ARHGDIB: variants seen among roughly 807,000 people sequenced by gnomAD.
The protein encoded by ARHGDIB is rho GDP-dissociation inhibitor 2.
Under a neutral mutation model 22.6 loss-of-function variants are expected in ARHGDIB, and 20 were observed. The ratio of observed to expected loss-of-function variants is 0.88; its 90% confidence interval spans 0.62 to 1.28. ARHGDIB has a LOEUF of 1.28. Ranked by LOEUF, ARHGDIB falls within the 50% of genes most tolerant of loss-of-function variation. The pLI is 0.00. For synonymous variants in ARHGDIB, 114 were observed against 96.1 expected (o/e 1.19, Z -1.09); for missense variants, 254 against 245.4 (o/e 1.04, Z -0.23).
chr12:14,953,818 GCTCT>G lies in ARHGDIB; in HGVS notation c.-12-3098_-12-3095del, dbSNP rs147117659. On this transcript the variant is annotated intron_variant, in intron 1 of 5. Coordinates refer to ENST00000228945, the MANE Select transcript of ARHGDIB (RefSeq NM_001175.7). ...GAAGGTTGCTTTTTTGCTTTTGCTT[GCTCT>G]CTCTCTCTCTCTCTCTCTTTCTCTT... Among the ~76,000 whole-genome samples, 850 of 146,492 alleles carry G rather than the reference GCTCT, an allele frequency of 5.8e-3. 9 individuals are homozygous for G. Among genetic ancestry groups the G allele is most frequent in the African/African-American group, 0.011 (416 of 39,556 alleles).
intron 1 of ARHGDIB, chr12:14,951,272 G>C (rs772314086): frequency 6.5e-6 from 1 of 152,986 alleles, no homozygotes; most frequent in Non-Finnish European, 1.5e-5. Context: ...GACTCATGAC[G>C]AACCGTTGAC....
chr12:14,944,680 C>T, intron 5 of ARHGDIB, 96 bp downstream of exon 5: 1 of 1,193,570 alleles, frequency 8.4e-7, no homozygotes, highest in Non-Finnish European at 1.2e-6. Flanking sequence ...TTATTGTATT[C>T]TCATCTGAGT....
In ARHGDIB at chr12:14,944,803, G is replaced by T. The variant is rs1244425628; in HGVS notation, c.379C>A (p.Gln127Lys). The change falls in exon 5 of 6, where the codon CAG becomes AAG. Residue 127 changes from glutamine to lysine, a missense_variant. Gln to Lys is a moderately conservative substitution (Grantham distance 53). Coordinates refer to ENST00000228945, the MANE Select transcript of ARHGDIB (RefSeq NM_001175.7). ...RDIVSGLKYV[Q>K]HTYRTGVKVD... ...TTCACCCCAGTCCTGTAGGTGTGCTGAACGTATTTCAGGCCTGACACAATA... is the reference window on the plus strand; with the variant it reads ...TTCACCCCAGTCCTGTAGGTGTGCTTAACGTATTTCAGGCCTGACACAATA... 6.2e-7 allele frequency: 1 copy of T among 1,613,680 alleles called. No homozygotes were observed. Among genetic ancestry groups the T allele is most frequent in the South Asian group, 1.1e-5 (1 of 90,964 alleles).
chr12:14,960,301 G>A (rs1421136212), intron 1 of ARHGDIB, among the ~76,000 whole-genome samples: 1 of 152,132 alleles, frequency 6.6e-6, no homozygotes, highest in Non-Finnish European at 1.5e-5. Flanking sequence ...TCCTCTAAAA[G>A]GGAAGAAAGT....
chr12:14,948,137 C>CACAG (rs1565460774), intron 3 of ARHGDIB, among the ~76,000 whole-genome samples, 188 bp from the exon 4 acceptor site: 1 of 145,390 alleles, frequency 6.9e-6, no homozygotes. Flanking sequence ...CACACACACA[C>CACAG]TTAATGCCTG....
intron 1 of ARHGDIB, among the ~76,000 whole-genome samples, chr12:14,960,863 C>T (rs1398042944): frequency 1.3e-5 from 2 of 152,204 alleles, no homozygotes; most frequent in African/African-American, 2.4e-5. Flanking sequence ...GAATTTAATA[C>T]ACAGCCTTTG....
chr12:14,958,420 TAA>T (rs1290717192), intron 1 of ARHGDIB, among the ~76,000 whole-genome samples: 3 of 152,216 alleles, frequency 2.0e-5, no homozygotes, highest in Non-Finnish European at 4.4e-5. Context: ...ACTAGAAACG[TAA>T]TTTCTTACCA....
chr12:14,950,816 G>A (rs781524489), intron 1 of ARHGDIB, 92 bp from the exon 2 acceptor site: 178 of 955,288 alleles, frequency 1.9e-4, no homozygotes, highest in Non-Finnish European at 2.5e-4. Context: ...TACCCTCATG[G>A]ACTTCTCTGA....
chr12:14,952,307 A>G (rs1295083063), intron 1 of ARHGDIB, among the ~76,000 whole-genome samples: 1 of 151,946 alleles, frequency 6.6e-6, no homozygotes, highest in Non-Finnish European at 1.5e-5. Context: ...GAAACAAAGA[A>G]ATAATATCCC....
chr12:14,950,854 C>T (rs1174867232), intron 1 of ARHGDIB, 130 bp from the exon 2 acceptor site: 2 of 656,408 alleles, frequency 3.0e-6, no homozygotes, highest in African/African-American at 3.7e-5. Context: ...GATTGTTTTC[C>T]TAATTCAATC....
At chr12:14,954,077 C>T (rs1864246212) in intron 1 of ARHGDIB, among the ~76,000 whole-genome samples, 1 of 152,094 alleles carries the variant, frequency 6.6e-6, no homozygotes, top group Non-Finnish European at 1.5e-5. Context: ...CTCCTGGACT[C>T]AAGCAATTGT....
chr12:14,952,478 CAG>C (rs1369356490), intron 1 of ARHGDIB, among the ~76,000 whole-genome samples: 1 of 152,062 alleles, frequency 6.6e-6, no homozygotes, highest in African/African-American at 2.4e-5. Context: ...GCAGAAGAAA[CAG>C]CACCACTCAA....
At chr12:14,957,673 G>A (rs1233631956) in intron 1 of ARHGDIB, among the ~76,000 whole-genome samples, 1 of 152,196 alleles carries the variant, frequency 6.6e-6, no homozygotes, top group Non-Finnish European at 1.5e-5. Context: ...CACAGGCACA[G>A]CTAATGAAGA....
chr12:14,957,814 G>C (rs917668462), intron 1 of ARHGDIB, among the ~76,000 whole-genome samples: 1 of 151,836 alleles, frequency 6.6e-6, no homozygotes, highest in Non-Finnish European at 1.5e-5. Flanking sequence ...AGGTAGAAGA[G>C]ATAGCGATGA....
At chr12:14,955,170 G>C (rs188856659) in intron 1 of ARHGDIB, among the ~76,000 whole-genome samples, 57 of 152,296 alleles carry the variant, frequency 3.7e-4, no homozygotes, top group African/African-American at 1.3e-3. Context: ...AACTCAGTTA[G>C]TACGGGATAA....
At chr12:14,943,698 A>G (rs1863937936) in intron 5 of ARHGDIB, among the ~76,000 whole-genome samples, 1 of 152,190 alleles carries the variant, frequency 6.6e-6, no homozygotes, top group Admixed American at 6.5e-5. Context: ...ACTAGGACAA[A>G]TGGTGAAAAT....
At chr12:14,943,646 G>A (rs1251213874) in intron 5 of ARHGDIB, among the ~76,000 whole-genome samples, 1 of 151,846 alleles carries the variant, frequency 6.6e-6, no homozygotes. Flanking sequence ...ATAACTGGAT[G>A]GAACAACAAC....
At chr12:14,950,235 A>T (rs1864136442) in intron 2 of ARHGDIB, among the ~76,000 whole-genome samples, 1 of 152,114 alleles carries the variant, frequency 6.6e-6, no homozygotes, top group Non-Finnish European at 1.5e-5. Flanking sequence ...TTAGGTAAGG[A>T]CTGAGAAAGA....
intron 1 of ARHGDIB, chr12:14,961,322 A>C (rs1864406980): frequency 6.6e-6 from 1 of 151,890 alleles, no homozygotes; most frequent in Non-Finnish European, 1.5e-5. Flanking sequence ...CTCCTTTTTT[A>C]AGCCTCCTCC....
Sources: gnomAD v4.1 joint callset for allele counts (sites outside exome capture counted in the v4.1 genomes callset) on GRCh38, gnomAD v4.1.1 for gene constraint, MANE v1.5 for transcripts, NCBI Gene and HGNC (gene_info 2026-07-23, HGNC 2026-07-21) for gene names.